DPF2: variants seen among roughly 807,000 people sequenced by gnomAD.
DPF2 encodes the protein zinc finger protein ubi-d4.
DPF2 carries 10 observed loss-of-function variants against 59.6 expected under a neutral mutation model. The observed-to-expected ratio is 0.17, with a 90% confidence interval of 0.10 to 0.28. DPF2 has a LOEUF of 0.28. Among genes scored for constraint, DPF2 ranks in the 10% least tolerant of loss-of-function variants. The pLI is 1.00. For synonymous variants in DPF2, 189 were observed against 190.6 expected, an observed-to-expected ratio of 0.99 and a Z score of 0.07; for missense variants, 315 against 509.4, an observed-to-expected ratio of 0.62 and a Z score of 3.67.
intron 4 of DPF2, among the ~76,000 whole-genome samples, chr11:65,343,323 G>C (rs528330425): frequency 1.9e-5 from 2 of 107,102 alleles, no homozygotes; most frequent in East Asian, 2.4e-4. Flanking sequence ...AAAAAAAAAA[G>C]CTTCCCACAA....
intron 1 of DPF2, among the ~76,000 whole-genome samples, chr11:65,336,451 C>A (rs150974833): frequency 1.8e-4 from 28 of 151,976 alleles, no homozygotes; most frequent in Admixed American, 1.8e-3. Context: ...GATATCACAC[C>A]ACTGCCCTCC....
rs747337649 is a variant in DPF2, at chr11:65,346,012, G to A, written c.858G>A (p.Thr286=). The change falls in exon 8 of 11, where the codon ACG becomes ACA. Residue 286 remains threonine, a synonymous_variant. Coordinates refer to ENST00000528416, the MANE Select transcript of DPF2 (RefSeq NM_006268.5). The part of the protein sequence containing the change: ...CLGDSKINKK[T]GQPEELVSCS... ...GGGACTCAAAGATTAACAAGAAGAC[G>A]GGACAACCCGAGGAGCTGGTGTCCT... 22 of 1,614,020 alleles carry A rather than the reference G, an allele frequency of 1.4e-5. No individual in the cohort carries two copies. The highest frequency in any genetic ancestry group is 6.7e-5 in the African/African-American group (5 of 74,914).
In DPF2 at chr11:65,341,546, A is replaced by G. The variant is rs779721071; in HGVS notation, c.449A>G (p.Asn150Ser). The G allele has an allele frequency of 1.2e-5, 19 of 1,614,038 alleles. No homozygotes were observed. The highest frequency in any genetic ancestry group is 1.7e-5 in the Admixed American group (1 of 59,986). ...AGCCTGGGCGAGTTTCCTGTGACCA[A>G]CAGTCGAGCGCGAAAGGTACAGGAT... The part of the protein sequence containing the change: ...DDSLGEFPVT[N>S]SRARKRILEP... The change falls in exon 4 of 11, where the codon AAC (asparagine) becomes AGC (serine). Residue 150 changes from asparagine (N) to serine (S), a missense_variant. Physicochemically the swap from Asn to Ser is conservative, Grantham distance 46. Around this residue, in one of 4 missense-constraint regions of DPF2, gnomAD observed 228 missense variants for 275.3 expected, o/e 0.83. Coordinates refer to ENST00000528416, the MANE Select transcript of DPF2 (RefSeq NM_006268.5).
intron 9 of DPF2, 106 bp downstream of exon 9, chr11:65,346,465 C>CTTT: frequency 5.1e-6 from 5 of 972,390 alleles, no homozygotes; most frequent in Non-Finnish European, 6.1e-6. Context: ...AGCAGGATCC[C>CTTT]TCCCACATGC....
In DPF2 at chr11:65,348,892, A is replaced by G. The variant is rs1854615349; in HGVS notation, c.1060A>G (p.Met354Val). ...TGATGACTGCGATCGTGGCTACCAC[A>G]TGTACTGTCTCACCCCGTCCATGTC... is the stretch of plus-strand genomic sequence containing the variant. ...FCDDCDRGYH[M>V]YCLTPSMSEP... is the part of the protein sequence containing the mutation. Residue 354 changes from methionine to valine, a missense_variant, in exon 10 of 11, where the codon ATG becomes GTG. By Grantham distance (21) the Met-to-Val change is conservative (BLOSUM62 1). Coordinates refer to ENST00000528416, the MANE Select transcript of DPF2 (RefSeq NM_006268.5). 6.2e-7 allele frequency: 1 copy of G among 1,614,220 alleles called. No homozygotes were observed. The highest frequency in any genetic ancestry group is 8.5e-7 in the Non-Finnish European group (1 of 1,180,054).
chr11:65,336,785 C>CAAAAAAA (rs751170058), intron 1 of DPF2, among the ~76,000 whole-genome samples: 1 of 65,852 alleles, frequency 1.5e-5, no homozygotes, highest in Admixed American at 1.8e-4. Context: ...GACTCCATCT[C>CAAAAAAA]AAAAAAAAAA....
At chr11:65,340,865 T>C in intron 2 of DPF2, 101 bp from the exon 3 acceptor site, 1 of 1,223,180 alleles carries the variant, frequency 8.2e-7, no homozygotes, top group Non-Finnish European at 1.1e-6. Context: ...ATTTCTCCCT[T>C]GCTCTAGAAC....
chr11:65,335,002 C>G (rs1159002663), intron 1 of DPF2, among the ~76,000 whole-genome samples: 1 of 152,048 alleles, frequency 6.6e-6, no homozygotes, highest in African/African-American at 2.4e-5. Context: ...TTGCTTCTCC[C>G]TCCTGCCTGA....
At chr11:65,351,591 C>G in intron 10 of DPF2, 92 bp from the exon 11 acceptor site, 1 of 1,110,740 alleles carries the variant, frequency 9.0e-7, no homozygotes, top group South Asian at 1.3e-5. Context: ...GTAGCTGATC[C>G]TGCTATAGAG....
At chr11:65,338,362 G>A (rs549107085) in intron 1 of DPF2, among the ~76,000 whole-genome samples, 1 of 152,254 alleles carries the variant, frequency 6.6e-6, no homozygotes, top group African/African-American at 2.4e-5. Context: ...CTGTTTGCCT[G>A]CCTTATGTAG....
At chr11:65,341,255 A>T in intron 3 of DPF2, 144 bp from the exon 4 acceptor site, 1 of 1,314,802 alleles carries the variant, frequency 7.6e-7, no homozygotes. Flanking sequence ...TTATGGTGCC[A>T]AGTGAACTAG....
intron 7 of DPF2, 32 bp downstream of exon 7, chr11:65,345,835 C>T (rs1447804636): frequency 6.2e-7 from 1 of 1,613,356 alleles, no homozygotes; most frequent in East Asian, 2.2e-5. Flanking sequence ...GGTGGGCAAG[C>T]AGAAGTTGGC....
intron 6 of DPF2, 102 bp downstream of exon 6, chr11:65,344,171 C>T (rs1221519540): frequency 1.0e-5 from 12 of 1,195,722 alleles, no homozygotes; most frequent in Non-Finnish European, 1.5e-5. Flanking sequence ...AGTATTAAAA[C>T]AAACCTGGGC....
intron 10 of DPF2, among the ~76,000 whole-genome samples, chr11:65,350,523 A>G (rs1854665461): frequency 6.6e-6 from 1 of 150,948 alleles, no homozygotes; most frequent in Admixed American, 6.6e-5. Flanking sequence ...ACCTGGGACT[A>G]CAGGCATGCC....
At chr11:65,344,427 T>C in intron 6 of DPF2, 1 of 706,168 alleles carries the variant, frequency 1.4e-6, no homozygotes, top group South Asian at 1.9e-5. Context: ...CTCTTTTTCT[T>C]TCTGTCTGCC....
chr11:65,337,524 GAGA>G (rs1854226666), intron 1 of DPF2, among the ~76,000 whole-genome samples: 1 of 136,184 alleles, frequency 7.3e-6, no homozygotes, highest in Non-Finnish European at 1.6e-5. Flanking sequence ...GAGAGAGAGA[GAGA>G]GAGAGAGAGA....
intron 10 of DPF2, 90 bp downstream of exon 10, chr11:65,349,021 A>T: frequency 6.9e-7 from 1 of 1,456,228 alleles, no homozygotes; most frequent in Non-Finnish European, 9.5e-7. Context: ...TATCACTTAC[A>T]TATTCTTCCA....
chr11:65,351,628 C>T (rs1464440233), intron 10 of DPF2, 55 bp from the exon 11 acceptor site: 2 of 1,500,400 alleles, frequency 1.3e-6, no homozygotes, highest in East Asian at 2.3e-5. Context: ...AGAGGAATTG[C>T]AAGCAGGTGG....
intron 2 of DPF2, 50 bp downstream of exon 2, chr11:65,340,595 A>G (rs771417853): frequency 1.2e-6 from 2 of 1,603,330 alleles, no homozygotes; most frequent in Admixed American, 1.7e-5. Flanking sequence ...AAGGAGGAAG[A>G]AGCCTCCTCA....
Sources: allele counts gnomAD v4.1 joint callset (sites outside exome capture counted in the v4.1 genomes callset), GRCh38; gene constraint gnomAD v4.1.1; regional missense constraint gnomAD v4.1.1; transcripts MANE v1.5; gene names NCBI Gene and HGNC (gene_info 2026-07-23, HGNC 2026-07-21).